The following SHISA9 variants were observed in gnomAD, a reference collection of about 807,000 sequenced individuals.
SHISA9 encodes shisa family member 9.
SHISA9 carries 13 observed loss-of-function variants against 38.0 expected under a neutral mutation model. The ratio of observed to expected loss-of-function variants is 0.34; its 90% CI spans 0.22 to 0.54. The LOEUF is 0.54. SHISA9 is among the 20% of genes least tolerant of loss of function. The pLI, the probability that SHISA9 is intolerant of heterozygous loss-of-function variation, is 0.91. For synonymous variants in SHISA9, 275 were observed against 242.0 expected (o/e 1.14, Z -1.27); for missense variants, 538 against 575.8 (o/e 0.93, Z 0.67).
At chr16:13,181,176 A>G (rs2050773277) in intron 2 of SHISA9, among the ~76,000 whole-genome samples, 1 of 150,524 alleles carries the variant, frequency 6.6e-6, no homozygotes, top group South Asian at 2.1e-4. Flanking sequence ...TGTTGTTTAT[A>G]TAATCATAAT....
At position 13,043,789 on chromosome 16, in the gene SHISA9, A is replaced by T. The variant is rs368534405; in HGVS notation, c.691+126974A>T. Among the ~76,000 whole-genome samples the T allele has an allele frequency of 2.7e-3, 411 of 152,162 alleles. 2 individuals are homozygous for T. The highest frequency in any genetic ancestry group is 4.1e-3 in the Non-Finnish European group (278 of 68,014). On this transcript the variant is annotated intron_variant, in intron 2 of 4. Transcript: ENST00000558583. ...AGATTTATTGACATTTTACTGACTGATCCTTCAGAGCTCAGCCTGAAATTC... is the reference window on the plus strand; with the variant it reads ...AGATTTATTGACATTTTACTGACTGTTCCTTCAGAGCTCAGCCTGAAATTC...
At chr16:13,163,240 G>A (rs1325278615) in intron 2 of SHISA9, among the ~76,000 whole-genome samples, 1 of 152,080 alleles carries the variant, frequency 6.6e-6, no homozygotes, top group Non-Finnish European at 1.5e-5. Context: ...GCCCAGGTTG[G>A]GGGACAAGAT....
At chr16:13,466,432 T>C in the SHISA9 span, among the ~76,000 whole-genome samples, 1 of 152,172 alleles carries the variant, frequency 6.6e-6, no homozygotes, top group East Asian at 1.9e-4. Context: ...AACTACAACA[T>C]CTCAATCCAG....
the SHISA9 span, among the ~76,000 whole-genome samples, chr16:13,301,735 G>A: frequency 6.6e-6 from 1 of 152,176 alleles, no homozygotes; most frequent in Non-Finnish European, 1.5e-5. Context: ...TGCAATGAGT[G>A]AATGAATGAA....
chr16:13,383,194 C>G, the SHISA9 span, among the ~76,000 whole-genome samples: 1 of 152,108 alleles, frequency 6.6e-6, no homozygotes, highest in African/African-American at 2.4e-5. Flanking sequence ...AGCTATTTTA[C>G]GAGAGTGGTT....
At chr16:13,073,248 G>A (rs2073540262) in intron 2 of SHISA9, among the ~76,000 whole-genome samples, 1 of 140,726 alleles carries the variant, frequency 7.1e-6, no homozygotes, top group Non-Finnish European at 1.5e-5. Flanking sequence ...TTGTACAACA[G>A]GACTTATCAT....
intron 2 of SHISA9, among the ~76,000 whole-genome samples, chr16:13,152,065 A>G (rs2050504421): frequency 6.6e-6 from 1 of 152,220 alleles, no homozygotes; most frequent in Non-Finnish European, 1.5e-5. Context: ...GGAGGAAAAC[A>G]AAGCAGAAAC....
chr16:13,103,352 G>A (rs945403218), intron 2 of SHISA9, among the ~76,000 whole-genome samples: 1 of 152,194 alleles, frequency 6.6e-6, no homozygotes. Context: ...GATTTATAGA[G>A]TTTTAGTTAT....
intron 2 of SHISA9, among the ~76,000 whole-genome samples, chr16:12,919,759 T>C (rs532280843): frequency 1.3e-5 from 2 of 152,348 alleles, no homozygotes; most frequent in South Asian, 4.1e-4. Context: ...AGACGGATTT[T>C]TCTTCAGCGG....
chr16:13,127,191 GAGAA>G (rs577085613), intron 2 of SHISA9, among the ~76,000 whole-genome samples: 144 of 130,464 alleles, frequency 1.1e-3, no homozygotes, highest in African/African-American at 3.7e-3. Context: ...GGGTGGGAGA[GAGAA>G]AGAAAGAGGG....
chr16:13,134,681 G>A (rs8043964), intron 2 of SHISA9, among the ~76,000 whole-genome samples: 2,006 of 152,268 alleles, frequency 0.013, 41 homozygotes, highest in African/African-American at 0.045. Flanking sequence ...AGAAGCTTGG[G>A]CTTTATGCCT....
chr16:13,014,762 T>C (rs2072721449), intron 2 of SHISA9, among the ~76,000 whole-genome samples: 1 of 152,248 alleles, frequency 6.6e-6, no homozygotes, highest in African/African-American at 2.4e-5. Context: ...TCTTCCCCCA[T>C]ACAAATGCCT....
intron 3 of SHISA9, among the ~76,000 whole-genome samples, chr16:13,211,982 C>A (rs1348232421): frequency 6.6e-6 from 1 of 152,174 alleles, no homozygotes; most frequent in Non-Finnish European, 1.5e-5. Context: ...CCTCACTCTT[C>A]TCTCTTCTGT....
intron 4 of SHISA9, among the ~76,000 whole-genome samples, chr16:13,234,480 G>T (rs2051361415): frequency 1.3e-5 from 2 of 152,198 alleles, no homozygotes; most frequent in Admixed American, 1.3e-4. Context: ...TGTCACAGTT[G>T]AAATGTGAAT....
chr16:13,345,634 G>T, the SHISA9 span, among the ~76,000 whole-genome samples: 194 of 152,216 alleles, frequency 1.3e-3, no homozygotes, highest in African/African-American at 4.5e-3. Flanking sequence ...GTCTTGCTGG[G>T]TCGAATAGTA....
chr16:12,911,505 C>G lies in SHISA9; in HGVS notation c.564-5183C>G. 3 of 482,472 alleles carry G rather than the reference C, an allele frequency of 6.2e-6. 1 individual carries two copies. The highest frequency in any genetic ancestry group is 8.1e-6 in the Non-Finnish European group (3 of 370,186). The allele number at this position is 482,472 out of a possible 1,614,324, so 29.9% of individuals were successfully genotyped here. ...ATACGTAAGGACAGAAATTTCAAAC[C>G]AAGCTTGAGGGTGAAATAAATATTA... is the stretch of plus-strand genomic sequence containing the variant. On this transcript the variant is annotated intron_variant, in intron 1 of 4. Coordinates refer to ENST00000558583, the MANE Select transcript of SHISA9 (RefSeq NM_001145204.3).
chr16:13,351,126 A>G, the SHISA9 span, among the ~76,000 whole-genome samples: 7 of 152,194 alleles, frequency 4.6e-5, no homozygotes, highest in Admixed American at 4.6e-4. Context: ...AAGCTGAGAA[A>G]CAGATACCTT....
intron 2 of SHISA9, among the ~76,000 whole-genome samples, chr16:12,994,785 G>T (rs1471095532): frequency 1.3e-5 from 2 of 152,136 alleles, no homozygotes; most frequent in East Asian, 3.9e-4. Flanking sequence ...GAAAATGGAG[G>T]TGGCAAGGAT....
chr16:13,098,820 T>G (rs1168321620), intron 2 of SHISA9, among the ~76,000 whole-genome samples: 1 of 152,232 alleles, frequency 6.6e-6, no homozygotes, highest in African/African-American at 2.4e-5. Context: ...CCAGCTCTGT[T>G]GAATCTGGCT....
Sources: allele counts gnomAD v4.1 joint callset (sites outside exome capture counted in the v4.1 genomes callset), GRCh38; gene constraint gnomAD v4.1.1; transcripts MANE v1.5; gene names NCBI Gene and HGNC (gene_info 2026-07-23, HGNC 2026-07-21).